Variants in TSPAN7 observed in about 807,000 individuals in gnomAD.
TSPAN7 encodes tetraspanin 7, also known as tetraspanin-7.
TSPAN7 carries 1 observed loss-of-function variant against 17.6 expected under a neutral mutation model. That is an observed-to-expected ratio of 0.06 (90% CI 0.02 to 0.27). The LOEUF (loss-of-function observed/expected upper bound fraction) is 0.27. Ranked by LOEUF, TSPAN7 falls within the 10% of genes least tolerant of loss-of-function variation. The pLI, the probability that TSPAN7 is intolerant of heterozygous loss-of-function variation, is 1.00. For synonymous variants in TSPAN7, 78 were observed against 79.0 expected (o/e 0.99, Z 0.07); for missense variants, 112 against 201.7 (o/e 0.56, Z 2.69).
At chrX:38,661,830 G>GC (rs1556000527) in intron 1 of TSPAN7, among the ~76,000 whole-genome samples, 1 of 82,004 alleles carries the variant, frequency 1.2e-5, no homozygotes, top group Non-Finnish European at 2.7e-5. Context: ...GGAGAGAGAT[G>GC]TTTTAAAAAA....
At chrX:38,646,653 G>A (rs2069647559) in intron 1 of TSPAN7, among the ~76,000 whole-genome samples, 1 of 112,438 alleles carries the variant, frequency 8.9e-6, no homozygotes, top group Non-Finnish European at 1.9e-5. Context: ...GAATGATGAT[G>A]TGTAATTTAC....
At chrX:38,618,650 T>G (rs2069470419) in intron 1 of TSPAN7, among the ~76,000 whole-genome samples, 1 of 112,111 alleles carries the variant, frequency 8.9e-6, no homozygotes, top group Non-Finnish European at 1.9e-5. Flanking sequence ...TTGAGAGTGG[T>G]ACCATTTCAT....
At chrX:38,570,141 C>A (rs2069162649) in intron 1 of TSPAN7, among the ~76,000 whole-genome samples, 1 of 111,414 alleles carries the variant, frequency 9.0e-6, no homozygotes, top group Non-Finnish European at 1.9e-5. Flanking sequence ...GTCTTCTGAC[C>A]TAATTCGGAC....
At chrX:38,564,056 C>T (rs1352088289) in intron 1 of TSPAN7, among the ~76,000 whole-genome samples, 5 of 110,874 alleles carry the variant, frequency 4.5e-5, no homozygotes, top group Admixed American at 9.6e-5. Context: ...AACCATCACC[C>T]CAGTCAATTT....
intron 1 of TSPAN7, among the ~76,000 whole-genome samples, chrX:38,595,096 G>A (rs1454996739): frequency 9.0e-6 from 1 of 111,341 alleles, no homozygotes; most frequent in Non-Finnish European, 1.9e-5. Context: ...TTGTACATAT[G>A]TATTTTTTTA....
intron 1 of TSPAN7, among the ~76,000 whole-genome samples, chrX:38,629,996 A>G (rs1334155312): frequency 1.8e-5 from 2 of 111,887 alleles, no homozygotes; most frequent in African/African-American, 6.5e-5. Context: ...CCAGTTTACA[A>G]TCTTGTACTA....
intron 1 of TSPAN7, among the ~76,000 whole-genome samples, chrX:38,616,306 G>C (rs2069455612): frequency 8.9e-6 from 1 of 112,056 alleles, no homozygotes; most frequent in African/African-American, 3.2e-5. Flanking sequence ...GGGTTATACA[G>C]CTAGTAAGTG....
intron 1 of TSPAN7, chrX:38,646,235 A>G (rs2069645251): frequency 8.8e-7 from 1 of 1,136,792 alleles, no homozygotes; most frequent in Non-Finnish European, 1.2e-6. Context: ...TTTCTATAAT[A>G]TCTTTTGTAT....
intron 1 of TSPAN7, among the ~76,000 whole-genome samples, chrX:38,640,214 C>A (rs182374229): frequency 7.2e-5 from 8 of 111,324 alleles, no homozygotes; most frequent in East Asian, 2.8e-4. Flanking sequence ...GTTTAGGGTG[C>A]CTTTCTTTTA....
intron 1 of TSPAN7, among the ~76,000 whole-genome samples, chrX:38,613,981 T>C (rs67415877): frequency 0.11 from 12,424 of 108,267 alleles, 1,745 homozygotes; most frequent in African/African-American, 0.39. Flanking sequence ...GGTTTTTTTT[T>C]TTTCTTTTTT....
At position 38,681,185 on chromosome X, in the gene TSPAN7, A is replaced by G. The variant is rs1429805375; in HGVS notation, c.598-19A>G. 1 of 1,189,460 alleles carries G rather than the reference A, an allele frequency of 8.4e-7. No individual in the cohort carries two copies. The highest frequency in any genetic ancestry group is 1.7e-5 in the African/African-American group (1 of 57,476). ...CTGAGTGAAAACATGTCTCCAAGAC[A>G]GTGTCTTTCTCTTTCCAGGGTTGTT... On this transcript the variant is annotated intron_variant, in intron 5 of 7. Coordinates refer to ENST00000378482, the MANE Select transcript of TSPAN7 (RefSeq NM_004615.4).
At chrX:38,677,215 T>C (rs921247470) in intron 5 of TSPAN7, among the ~76,000 whole-genome samples, 1 of 112,170 alleles carries the variant, frequency 8.9e-6, no homozygotes, top group Non-Finnish European at 1.9e-5. Flanking sequence ...TACTTAACTT[T>C]GTCAGTCTTG....
intron 2 of TSPAN7, among the ~76,000 whole-genome samples, chrX:38,670,529 C>T (rs1367021558): frequency 8.9e-6 from 1 of 112,273 alleles, no homozygotes; most frequent in East Asian, 2.8e-4. Context: ...TTAAACTCCA[C>T]GCAGCATCCC....
chrX:38,649,836 C>A (rs1050709598), intron 1 of TSPAN7, among the ~76,000 whole-genome samples: 1 of 111,944 alleles, frequency 8.9e-6, no homozygotes, highest in African/African-American at 3.2e-5. Flanking sequence ...GTGGGTTGCC[C>A]GGCTCACAGC....
chrX:38,645,881 C>T (rs186571786), intron 1 of TSPAN7, among the ~76,000 whole-genome samples: 14 of 110,088 alleles, frequency 1.3e-4, no homozygotes, highest in East Asian at 8.7e-4. Flanking sequence ...TTTTGTTTGA[C>T]ATTTCCTGTT....
In TSPAN7 at chrX:38,633,894, T is replaced by C. The variant is rs1015188513; in HGVS notation, c.82-32227T>C. The stretch of plus-strand genomic sequence containing the variant: ...TCTTATACTGTGTTCTTAGATGATA[T>C]TCACTAACTTGTTTATTCTTGCTAA... On this transcript the variant is annotated intron_variant, in intron 1 of 7. Coordinates refer to ENST00000378482, the MANE Select transcript of TSPAN7 (RefSeq NM_004615.4). Among the ~76,000 whole-genome samples the C allele has an allele frequency of 4.4e-5, 5 of 112,424 alleles. No individual in the cohort carries two copies. In the East Asian group the frequency reaches 8.3e-4, roughly 19 times the overall value.
chrX:38,610,630 G>T (rs1418361384), intron 1 of TSPAN7, among the ~76,000 whole-genome samples: 1 of 111,199 alleles, frequency 9.0e-6, no homozygotes, highest in African/African-American at 3.3e-5. Flanking sequence ...AGCCATGGTT[G>T]AGAAGCTCTA....
intron 1 of TSPAN7, among the ~76,000 whole-genome samples, chrX:38,622,312 C>T (rs1602102652): frequency 1.8e-5 from 2 of 112,197 alleles, no homozygotes; most frequent in African/African-American, 6.5e-5. Flanking sequence ...TTTGGGAGGC[C>T]AAGGCAGGAA....
intron 1 of TSPAN7, among the ~76,000 whole-genome samples, chrX:38,616,992 T>G (rs764996168): frequency 8.9e-6 from 1 of 112,063 alleles, no homozygotes; most frequent in East Asian, 2.8e-4. Flanking sequence ...GTTGGCAGAA[T>G]TTTTCTTTAA....
Sources: gnomAD v4.1 joint callset for allele counts (sites outside exome capture counted in the v4.1 genomes callset) on GRCh38, gnomAD v4.1.1 for gene constraint, MANE v1.5 for transcripts, NCBI Gene and HGNC (gene_info 2026-07-23, HGNC 2026-07-21) for gene names.